The following IQCK variants were observed in gnomAD, a reference collection of about 807,000 sequenced individuals.
IQCK encodes the protein IQ motif containing K, also known as IQ domain-containing protein K.
A neutral mutation model predicts 28.1 loss-of-function variants in IQCK; 29 were observed. The ratio of observed to expected loss-of-function variants is 1.03; its 90% CI spans 0.77 to 1.41. The LOEUF is 1.41. Ranked by LOEUF, IQCK falls within the 40% of genes most tolerant of loss-of-function variation. IQCK has a pLI of 0.00. For missense variants in IQCK, 359 were observed against 314.7 expected (o/e 1.14, Z -1.07); for synonymous variants, 113 against 115.1 (o/e 0.98, Z 0.12).
At chr16:19,836,248 A>C (rs7199587) in intron 9 of IQCK, among the ~76,000 whole-genome samples, 38,723 of 152,082 alleles carry the variant, frequency 0.25, 5,379 homozygotes, top group African/African-American at 0.35. Flanking sequence ...TTTTAACCTG[A>C]AAAATAAATA....
rs557418359 is a variant in IQCK at position 19,810,328 on chromosome 16, A to C, written c.691-16698A>C. Among the ~76,000 whole-genome samples the C allele has an allele frequency of 1.7e-4, 26 of 150,516 alleles. No homozygotes were observed. In the South Asian group the frequency reaches 5.5e-3, roughly 32 times the overall value. ...TGGCTAACACGGTGAAACCCTGTCT[A>C]TACTAAAAAATACAAAAAATTAGCC... On this transcript the variant is annotated intron_variant, in intron 7 of 7. Transcript: ENST00000564186.
chr16:19,820,148 T>C (rs550933982), intron 7 of IQCK, among the ~76,000 whole-genome samples: 15 of 152,314 alleles, frequency 9.8e-5, no homozygotes, highest in African/African-American at 3.6e-4. Context: ...GGGATAAATC[T>C]TTATTATCTT....
chr16:19,824,885 CA>C (rs1212061553), intron 7 of IQCK, among the ~76,000 whole-genome samples: 1 of 152,174 alleles, frequency 6.6e-6, no homozygotes, highest in South Asian at 2.1e-4. Flanking sequence ...GTATCTCTCC[CA>C]GGAACACAAT....
chr16:19,840,803 CA>C (rs1490947189), intron 9 of IQCK, among the ~76,000 whole-genome samples: 2 of 152,358 alleles, frequency 1.3e-5, no homozygotes, highest in Admixed American at 1.3e-4. Flanking sequence ...CTGCAATGCA[CA>C]GATGTTATTT....
At chr16:19,759,700 G>A (rs757145204) in intron 4 of IQCK, among the ~76,000 whole-genome samples, 12 of 152,258 alleles carry the variant, frequency 7.9e-5, no homozygotes, top group Non-Finnish European at 1.8e-4. Flanking sequence ...GGGTGAGATT[G>A]GGCAAAGTGG....
rs1022235490 is a variant in IQCK at position 19,817,886 on chromosome 16, A to G, written c.691-9140A>G. Among the ~76,000 whole-genome samples the G allele has an allele frequency of 3.3e-5, 5 of 152,274 alleles. No homozygotes were observed. In the South Asian group the frequency reaches 6.2e-4, roughly 19 times the overall value. On this transcript the variant is annotated intron_variant, in intron 7 of 7. Coordinates refer to ENST00000564186, the Ensembl canonical transcript of IQCK. ...CCTTCCAAACATTAAGAGTAAACCA[A>G]TTGTAAAGAAAGAATTTGACTGTGA... is the stretch of plus-strand genomic sequence containing the variant.
chr16:19,821,379 C>G (rs560985066), intron 7 of IQCK, among the ~76,000 whole-genome samples: 14 of 152,226 alleles, frequency 9.2e-5, no homozygotes, highest in African/African-American at 3.4e-4. Context: ...CCCAGCAATT[C>G]GACTTCTAGG....
intron 7 of IQCK, among the ~76,000 whole-genome samples, chr16:19,790,839 A>G (rs1359453690): frequency 1.5e-5 from 1 of 67,056 alleles, no homozygotes; most frequent in Non-Finnish European, 2.3e-5. Flanking sequence ...AACAAACAAC[A>G]ACAACAACAA....
chr16:19,730,377 C>G (rs1237086968), intron 1 of IQCK, 53 bp from the exon 2 acceptor site: 2 of 1,347,002 alleles, frequency 1.5e-6, no homozygotes, highest in African/African-American at 2.9e-5. Context: ...GGAAATTACA[C>G]CAGAAACTCT....
At chr16:19,727,735 T>A (rs1045912181) in intron 1 of IQCK, among the ~76,000 whole-genome samples, 2 of 152,202 alleles carry the variant, frequency 1.3e-5, no homozygotes, top group African/African-American at 4.8e-5. Flanking sequence ...TATGTCTTGC[T>A]TTTGTAATCA....
intron 1 of IQCK, among the ~76,000 whole-genome samples, chr16:19,725,525 A>G (rs1303995655): frequency 6.6e-6 from 1 of 152,182 alleles, no homozygotes; most frequent in African/African-American, 2.4e-5. Context: ...AAGTATTTCT[A>G]ATGCAGAACA....
chr16:19,827,014 G>C lies in IQCK; in HGVS notation c.691-12G>C. Reference sequence around the variant, plus strand: ...GTCGAAAAGGGACTAAAGTTTTACTGGGATTTTCCAGGTTCGCTGTGATCC... The same window carrying C: ...GTCGAAAAGGGACTAAAGTTTTACTCGGATTTTCCAGGTTCGCTGTGATCC... On this transcript the variant is annotated splice_polypyrimidine_tract_variant and intron_variant, in intron 7 of 7. Transcript: ENST00000564186. The C allele has an allele frequency of 1.3e-6, 2 of 1,594,268 alleles. No homozygotes were observed. Among genetic ancestry groups the C allele is most frequent in the African/African-American group, 2.7e-5 (2 of 74,628 alleles).
intron 7 of IQCK, among the ~76,000 whole-genome samples, chr16:19,820,517 C>CG (rs1339627663): frequency 6.6e-6 from 1 of 151,960 alleles, no homozygotes; most frequent in Non-Finnish European, 1.5e-5. Context: ...GGCGCAGGGG[C>CG]GGGCGCCTGT....
chr16:19,838,286 T>A (rs1042597311), intron 9 of IQCK, among the ~76,000 whole-genome samples: 1 of 152,060 alleles, frequency 6.6e-6, no homozygotes, highest in African/African-American at 2.4e-5. Context: ...AGGCAGAGAG[T>A]AAATCCGGAA....
Position 19,768,254 on chromosome 16 carries a change from G to A in IQCK, c.605+4142G>A, listed in dbSNP as rs142577255. 2.0e-3 allele frequency among the ~76,000 whole-genome samples: 297 copies of A among 152,268 alleles called. 3 individuals are homozygous for A. The highest frequency in any genetic ancestry group is 7.0e-3 in the African/African-American group (289 of 41,558). Reference sequence around the variant, plus strand: ...GGAAGTTGACCATGAAGTGAGATGGGTCTTGGACAAATAAGGTGATTATAT... The same window carrying A: ...GGAAGTTGACCATGAAGTGAGATGGATCTTGGACAAATAAGGTGATTATAT... On this transcript the variant is annotated intron_variant, in intron 6 of 7. Transcript: ENST00000564186.
intron 1 of IQCK, among the ~76,000 whole-genome samples, chr16:19,725,385 CAG>C (rs1196658601): frequency 6.6e-6 from 1 of 152,078 alleles, no homozygotes; most frequent in Non-Finnish European, 1.5e-5. Flanking sequence ...GTTGTAGAGA[CAG>C]GGTTTCACTG....
At chr16:19,745,321 A>G (rs1376920941) in intron 4 of IQCK, among the ~76,000 whole-genome samples, 2 of 152,134 alleles carry the variant, frequency 1.3e-5, no homozygotes, top group Non-Finnish European at 2.9e-5. Flanking sequence ...TATGTCTGGT[A>G]CAACTCAAGT....
intron 9 of IQCK, among the ~76,000 whole-genome samples, chr16:19,843,148 G>A (rs962075562): frequency 3.9e-5 from 6 of 152,222 alleles, no homozygotes; most frequent in South Asian, 2.1e-4. Context: ...CTGTCTCACC[G>A]CCTAGAGATG....
intron 6 of IQCK, chr16:19,764,345 A>T: frequency 2.5e-6 from 1 of 397,514 alleles, no homozygotes. Context: ...TAAAAAAAAA[A>T]TTATTATCCT....
Sources: allele counts gnomAD v4.1 joint callset (sites outside exome capture counted in the v4.1 genomes callset), GRCh38; gene constraint gnomAD v4.1.1; transcripts MANE v1.5; gene names NCBI Gene and HGNC (gene_info 2026-07-23, HGNC 2026-07-21).